BTNL8: variants seen among roughly 807,000 people sequenced by gnomAD.
BTNL8 encodes the protein butyrophilin like 8.
BTNL8 carries 22 observed loss-of-function variants against 36.1 expected under a neutral mutation model. That is an observed-to-expected ratio of 0.61 (90% CI 0.44 to 0.87). The LOEUF is 0.87. Ranked by LOEUF, BTNL8 falls within the 40% of genes least tolerant of loss-of-function variation. BTNL8 has a pLI of 0.00. For synonymous variants in BTNL8, 203 were observed against 235.6 expected (o/e 0.86, Z 1.27); for missense variants, 526 against 616.9 (o/e 0.85, Z 1.56).
intron 3 of BTNL8, among the ~76,000 whole-genome samples, chr5:180,932,554 T>G (rs1262505137): frequency 6.6e-6 from 1 of 152,136 alleles, no homozygotes; most frequent in Non-Finnish European, 1.5e-5. Context: ...TTTCACCATG[T>G]TAGCTAGGAT....
At position 180,948,851 on chromosome 5, in the gene BTNL8, C is replaced by T. The variant is rs1759402569; in HGVS notation, c.809-69C>T. 6 of 551,664 alleles carry T rather than the reference C, an allele frequency of 1.1e-5. 1 individual carries two copies. The highest frequency in any genetic ancestry group is 1.9e-5 in the Non-Finnish European group (6 of 322,158). 34.2% of individuals were successfully genotyped at this position (551,664 alleles called of 1,614,324 possible). ...CCACTCGCAGGGATTCCCTCCCACG[C>T]CCTCCCTGGGCCCCCGCTCTGTGAC... On this transcript the variant is annotated intron_variant, in intron 5 of 7. Coordinates refer to ENST00000340184, the MANE Select transcript of BTNL8 (RefSeq NM_001040462.3).
chr5:180,908,305 C>T (rs1055289386), intron 1 of BTNL8, among the ~76,000 whole-genome samples: 3 of 151,990 alleles, frequency 2.0e-5, no homozygotes, highest in East Asian at 1.9e-4. Flanking sequence ...TTCTTTGACT[C>T]GGAAAGGGAA....
intron 3 of BTNL8, among the ~76,000 whole-genome samples, chr5:180,933,361 T>G (rs1043832804): frequency 1.3e-5 from 2 of 152,182 alleles, no homozygotes; most frequent in Non-Finnish European, 1.5e-5. Context: ...GCACACATTC[T>G]TCTCAAGTGC....
intron 1 of BTNL8, among the ~76,000 whole-genome samples, chr5:180,908,032 T>G (rs1176851284): frequency 1.3e-5 from 2 of 152,250 alleles, no homozygotes; most frequent in African/African-American, 2.4e-5. Context: ...CTCCTTGAGC[T>G]GTGGTGGGCT....
chr5:180,923,443 A>C (rs1236714285), intron 3 of BTNL8, among the ~76,000 whole-genome samples: 2 of 152,174 alleles, frequency 1.3e-5, no homozygotes, highest in Non-Finnish European at 2.9e-5. Flanking sequence ...ACATCTAACT[A>C]TGATTTAAAA....
At chr5:180,942,320 T>C (rs533436044) in intron 3 of BTNL8, among the ~76,000 whole-genome samples, 1 of 152,290 alleles carries the variant, frequency 6.6e-6, no homozygotes, top group East Asian at 1.9e-4. Flanking sequence ...AGATACCCCA[T>C]GTTCCTGATG....
At chr5:180,918,338 G>T (rs926922108) in intron 3 of BTNL8, among the ~76,000 whole-genome samples, 5 of 152,118 alleles carry the variant, frequency 3.3e-5, no homozygotes, top group Admixed American at 3.3e-4. Context: ...TTATCTCTGG[G>T]ATGCAAGAAT....
intron 3 of BTNL8, among the ~76,000 whole-genome samples, chr5:180,929,445 A>C (rs2113826593): frequency 6.6e-6 from 1 of 152,302 alleles, no homozygotes; most frequent in South Asian, 2.1e-4. Flanking sequence ...CTATCAGAAG[A>C]CAAGAAATAA....
rs1039930543 is a variant in BTNL8, at chr5:180,950,618, G to C, written c.*74G>C. 1 of 1,370,296 alleles carries C rather than the reference G, an allele frequency of 7.3e-7. No individual in the cohort carries two copies. The highest frequency in any genetic ancestry group is 1.0e-6 in the Non-Finnish European group (1 of 1,000,396). The allele number at this position is 1,370,296 out of a possible 1,614,324, so 84.9% of individuals were successfully genotyped here. On this transcript the variant is annotated 3_prime_UTR_variant, in exon 8 of 8. Transcript: ENST00000340184. ...CCAGATCCAAAGTCCCGCAGCAGCC[G>C]GCCAAGGTGGCTTCCAGATGAAGGG...
At chr5:180,947,058 C>T (rs866347544) in intron 3 of BTNL8, among the ~76,000 whole-genome samples, 12 of 152,178 alleles carry the variant, frequency 7.9e-5, no homozygotes, top group African/African-American at 2.9e-4. Flanking sequence ...AAATTTATGT[C>T]GCAGAGCAAA....
intron 3 of BTNL8, among the ~76,000 whole-genome samples, chr5:180,915,901 G>A (rs2113794322): frequency 6.6e-6 from 1 of 152,276 alleles, no homozygotes; most frequent in South Asian, 2.1e-4. Context: ...ACACAATAAA[G>A]GCCATACGTA....
At chr5:180,920,233 G>C (rs910667265) in intron 3 of BTNL8, among the ~76,000 whole-genome samples, 1 of 152,038 alleles carries the variant, frequency 6.6e-6, no homozygotes, top group Non-Finnish European at 1.5e-5. Context: ...ATATGGTACT[G>C]GCATAAAAAC....
intron 4 of BTNL8, chr5:180,947,914 C>T: frequency 9.4e-7 from 1 of 1,065,290 alleles, no homozygotes; most frequent in Non-Finnish European, 1.3e-6. Context: ...ACCACCAAGA[C>T]TCCTATTAAA....
intron 3 of BTNL8, among the ~76,000 whole-genome samples, chr5:180,933,963 A>G (rs1419528551): frequency 6.9e-6 from 1 of 144,596 alleles, no homozygotes; most frequent in African/African-American, 2.7e-5. Flanking sequence ...TGATACCAAT[A>G]TCAGACAAGG....
Position 180,949,971 on chromosome 5 carries a change from C to T in BTNL8, c.930C>T (p.Thr310=), listed in dbSNP as rs576155469. The T allele has an allele frequency of 2.7e-6, 4 of 1,461,940 alleles. No individual in the cohort carries two copies. The African/African-American group carries it at 5.5e-5, about 20-fold the overall frequency. 90.6% of individuals were successfully genotyped at this position (1,461,940 alleles called of 1,614,324 possible). The part of the protein sequence containing the change: ...KLCVSDLKTV[T]HRKAPQEVPH... ...GCGTTTCTGATCTGAAAACTGTAAC[C>T]CATAGAAAAGCTCCCCAGGAGGTGC... The change falls in exon 8 of 8, where the codon ACC becomes ACT. Residue 310 remains threonine (T), a synonymous_variant. Transcript: ENST00000340184.
chr5:180,930,002 A>C (rs2387711), intron 3 of BTNL8, among the ~76,000 whole-genome samples: 3 of 151,934 alleles, frequency 2.0e-5, no homozygotes, highest in Admixed American at 2.0e-4. Context: ...ACCTGGCAGA[A>C]ACACAACAAA....
intron 1 of BTNL8, among the ~76,000 whole-genome samples, chr5:180,901,263 T>G (rs1029939581): frequency 2.0e-5 from 3 of 152,224 alleles, no homozygotes. Flanking sequence ...TTCACACATG[T>G]AATTCACCTT....
intron 2 of BTNL8, among the ~76,000 whole-genome samples, chr5:180,910,841 A>G (rs1757351879): frequency 6.6e-6 from 1 of 152,150 alleles, no homozygotes; most frequent in Non-Finnish European, 1.5e-5. Flanking sequence ...CCTTTTGTTC[A>G]GCACTCCATC....
In BTNL8 at chr5:180,911,529, C is replaced by T. The variant is rs1368425620; in HGVS notation, c.588C>T (p.Thr196=). 1.4e-5 allele frequency: 22 copies of T among 1,613,904 alleles called. No individual in the cohort carries two copies. Among genetic ancestry groups the T allele is most frequent in the Non-Finnish European group, 1.8e-5 (21 of 1,180,012 alleles). Residue 196 remains threonine, a synonymous_variant, in exon 3 of 8, where the codon ACC becomes ACT. Coordinates refer to ENST00000340184, the MANE Select transcript of BTNL8 (RefSeq NM_001040462.3). ...HGLFDVEISL[T]VQENAGSISC... ...TGTTTGATGTGGAGATCTCTCTGAC[C>T]GTCCAAGAGAACGCCGGGAGCATAT...
Sources: allele counts gnomAD v4.1 joint callset (sites outside exome capture counted in the v4.1 genomes callset), GRCh38; gene constraint gnomAD v4.1.1; transcripts MANE v1.5; gene names NCBI Gene and HGNC (gene_info 2026-07-23, HGNC 2026-07-21).